BMAL2: variants seen among roughly 807,000 people sequenced by gnomAD.
The protein encoded by BMAL2 is basic helix-loop-helix ARNT like 2.
At chr12:27,371,730 ACAT>A in the BMAL2 span, among the ~76,000 whole-genome samples, 1 of 42,370 alleles carries the variant, frequency 2.4e-5, no homozygotes. Context: ...ACACACACAC[ACAT>A]ATATATATAA....
the BMAL2 span, chr12:27,403,453 A>G: frequency 2.5e-6 from 4 of 1,605,758 alleles, no homozygotes; most frequent in Non-Finnish European, 2.6e-6. Flanking sequence ...ACAGTCCTGT[A>G]TGAGTGTACC....
chr12:27,381,953 G>T, the BMAL2 span, among the ~76,000 whole-genome samples: 13 of 152,248 alleles, frequency 8.5e-5, no homozygotes, highest in African/African-American at 2.9e-4. Flanking sequence ...GCCAGGAAAA[G>T]GAAAATATAT....
chr12:27,365,334 A>G, the BMAL2 span, among the ~76,000 whole-genome samples: 2 of 152,124 alleles, frequency 1.3e-5, no homozygotes, highest in Non-Finnish European at 2.9e-5. Context: ...AAACTTAGTC[A>G]TGATGGATGA....
At chr12:27,369,446 T>C in the BMAL2 span, among the ~76,000 whole-genome samples, 2 of 152,330 alleles carry the variant, frequency 1.3e-5, no homozygotes, top group South Asian at 4.1e-4. Context: ...TATAAATGAT[T>C]GGAAGGTTTT....
the BMAL2 span, among the ~76,000 whole-genome samples, chr12:27,402,068 G>C: frequency 6.6e-6 from 1 of 152,166 alleles, no homozygotes; most frequent in African/African-American, 2.4e-5. Flanking sequence ...CCATGTCTGT[G>C]TAGGCATGCT....
the BMAL2 span, chr12:27,370,086 G>A: frequency 6.8e-7 from 1 of 1,462,634 alleles, no homozygotes; most frequent in Admixed American, 1.7e-5. Context: ...TCCATTCCCA[G>A]AACATCTGGG....
At chr12:27,413,820 G>A in the BMAL2 span, among the ~76,000 whole-genome samples, 1 of 152,190 alleles carries the variant, frequency 6.6e-6, no homozygotes, top group Non-Finnish European at 1.5e-5. Flanking sequence ...CCATCCAAAT[G>A]ATAACCAAGA....
At chr12:27,408,309 A>AAT in the BMAL2 span, among the ~76,000 whole-genome samples, 1 of 152,362 alleles carries the variant, frequency 6.6e-6, no homozygotes, top group Non-Finnish European at 1.5e-5. Flanking sequence ...ATTTTAGACC[A>AAT]ATATCCCTGA....
chr12:27,401,400 T>A, the BMAL2 span: 1 of 1,575,838 alleles, frequency 6.3e-7, no homozygotes, highest in Non-Finnish European at 8.7e-7. Flanking sequence ...TTTGGGGAAT[T>A]TAAAATGACA....
At chr12:27,343,107 A>T in the BMAL2 span, among the ~76,000 whole-genome samples, 1 of 152,214 alleles carries the variant, frequency 6.6e-6, no homozygotes, top group Non-Finnish European at 1.5e-5. Flanking sequence ...TTAGATTGTG[A>T]TCATCATTGT....
the BMAL2 span, chr12:27,380,295 C>T: frequency 5.6e-6 from 9 of 1,614,154 alleles, no homozygotes; most frequent in South Asian, 3.3e-5. Flanking sequence ...AAATGAATAA[C>T]CTGATTGAAG....
At chr12:27,362,966 G>A in the BMAL2 span, among the ~76,000 whole-genome samples, 1 of 152,028 alleles carries the variant, frequency 6.6e-6, no homozygotes, top group Admixed American at 6.6e-5. Flanking sequence ...ACCATGCTTG[G>A]CTAGTTTTAA....
chr12:27,361,695 C>T, the BMAL2 span, among the ~76,000 whole-genome samples: 1 of 152,100 alleles, frequency 6.6e-6, no homozygotes, highest in Non-Finnish European at 1.5e-5. Flanking sequence ...CACCTACTAA[C>T]AAAAATAAGA....
At chr12:27,421,898 G>A in the BMAL2 span, 1 of 152,128 alleles carries the variant, frequency 6.6e-6, no homozygotes. Flanking sequence ...ACTGACCCAG[G>A]AACTAGTTGT....
the BMAL2 span, among the ~76,000 whole-genome samples, chr12:27,375,442 A>G: frequency 6.6e-6 from 1 of 152,222 alleles, no homozygotes; most frequent in Non-Finnish European, 1.5e-5. Context: ...TAAATGAATA[A>G]GACAAGACAT....
chr12:27,418,337 A>G, the BMAL2 span: 1 of 565,188 alleles, frequency 1.8e-6, no homozygotes, highest in Non-Finnish European at 3.1e-6. Context: ...ACATTGGCTC[A>G]CACCTGTAAT....
At chr12:27,349,785 A>G in the BMAL2 span, among the ~76,000 whole-genome samples, 911 of 152,244 alleles carry the variant, frequency 6.0e-3, 6 homozygotes, top group African/African-American at 0.02. Flanking sequence ...TCTAACTTCT[A>G]TATTACAGAT....
the BMAL2 span, among the ~76,000 whole-genome samples, chr12:27,365,277 A>G: frequency 6.6e-6 from 1 of 152,094 alleles, no homozygotes; most frequent in Non-Finnish European, 1.5e-5. Context: ...GTGGTAAATT[A>G]TATTCATTAA....
At chr12:27,406,400 A>G in the BMAL2 span, among the ~76,000 whole-genome samples, 3 of 152,264 alleles carry the variant, frequency 2.0e-5, no homozygotes, top group Non-Finnish European at 4.4e-5. Flanking sequence ...ATCTCTCAGC[A>G]GAAACTCTAC....
Sources: allele counts gnomAD v4.1 joint callset (sites outside exome capture counted in the v4.1 genomes callset), GRCh38; gene constraint gnomAD v4.1.1; transcripts MANE v1.5; gene names NCBI Gene and HGNC (gene_info 2026-07-23, HGNC 2026-07-21).